RUNX2: variants seen among roughly 807,000 people sequenced by gnomAD.
The protein encoded by RUNX2 is runt-related transcription factor 2.
RUNX2 carries 10 observed loss-of-function variants against 51.7 expected under a neutral mutation model. The ratio of observed to expected loss-of-function variants is 0.19; its 90% CI spans 0.12 to 0.33. The LOEUF is 0.33. Among genes scored for constraint, RUNX2 ranks in the 10% least tolerant of loss-of-function variants. The pLI is 1.00. For synonymous variants in RUNX2, 276 were observed against 273.6 expected, an observed-to-expected ratio of 1.01 and a Z score of -0.09; for missense variants, 562 against 691.3, an observed-to-expected ratio of 0.81 and a Z score of 2.10.
At chr6:45,420,884 C>A (rs1281982453) in intron 2 of RUNX2, among the ~76,000 whole-genome samples, 2 of 152,140 alleles carry the variant, frequency 1.3e-5, no homozygotes, top group African/African-American at 2.4e-5. Context: ...TCGACTTAGC[C>A]AGAGTCGTGT....
At chr6:45,359,146 A>C (rs1318433892) in intron 2 of RUNX2, among the ~76,000 whole-genome samples, 1 of 152,204 alleles carries the variant, frequency 6.6e-6, no homozygotes, top group East Asian at 1.9e-4. Flanking sequence ...GAGAATTGAT[A>C]GTAATATTTA....
At chr6:45,484,264 A>G (rs1428415041) in intron 5 of RUNX2, among the ~76,000 whole-genome samples, 1 of 152,116 alleles carries the variant, frequency 6.6e-6, no homozygotes, top group Non-Finnish European at 1.5e-5. Flanking sequence ...GGGTCTAGGA[A>G]AGGAGGTGAC....
intron 5 of RUNX2, among the ~76,000 whole-genome samples, chr6:45,490,197 G>A (rs982475987): frequency 1.3e-5 from 2 of 152,126 alleles, no homozygotes; most frequent in African/African-American, 4.8e-5. Context: ...GAGTTGTTTT[G>A]GGTCATCTCT....
At chr6:45,534,824 G>C (rs2150442358) in intron 7 of RUNX2, among the ~76,000 whole-genome samples, 1 of 152,296 alleles carries the variant, frequency 6.6e-6, no homozygotes, top group South Asian at 2.1e-4. Context: ...CTTTTTGTAT[G>C]TAACTGTGAG....
chr6:45,543,462 G>A (rs1489832510), intron 7 of RUNX2, among the ~76,000 whole-genome samples: 1 of 152,164 alleles, frequency 6.6e-6, no homozygotes, highest in East Asian at 1.9e-4. Flanking sequence ...CCAGTAAGTT[G>A]TAGTCATGAG....
chr6:45,510,939 AAAG>A (rs753910375), intron 6 of RUNX2, among the ~76,000 whole-genome samples: 3 of 152,176 alleles, frequency 2.0e-5, no homozygotes, highest in East Asian at 1.9e-4. Context: ...GGTTACACAG[AAAG>A]AAGAAGTCTC....
In RUNX2 at chr6:45,328,437, C is replaced by G; in HGVS notation, c.-90C>G. ...ATGGTTAATCTCCGCAGGTCACTAC[C>G]AGCCACCGAGACCAACAGAGTCAGT... On this transcript the variant is annotated 5_prime_UTR_variant, in exon 1 of 9. Coordinates refer to ENST00000647337, the MANE Select transcript of RUNX2 (RefSeq NM_001024630.4). The G allele has an allele frequency of 6.9e-7, 1 of 1,454,352 alleles. No individual in the cohort carries two copies. Among genetic ancestry groups the G allele is most frequent in the Non-Finnish European group, 9.3e-7 (1 of 1,079,170 alleles). 90.1% of individuals were successfully genotyped at this position (1,454,352 alleles called of 1,614,324 possible).
In RUNX2 at chr6:45,545,282, G is replaced by T; in HGVS notation, c.1087G>T (p.Gly363Cys). 1 of 1,550,694 alleles carries T rather than the reference G, an allele frequency of 6.4e-7. No individual in the cohort carries two copies. Residue 363 changes from glycine to cysteine, a missense_variant and splice_region_variant, in exon 8 of 9, where the codon GGT becomes TGT. This residue lies in a region of RUNX2 where 304 missense variants were observed against 353.2 expected (regional missense o/e 0.86). Coordinates refer to ENST00000647337, the MANE Select transcript of RUNX2 (RefSeq NM_001024630.4). Reference protein sequence around the residue: ...PSTLSKKSQAGASELGPFSDP... With the variant: ...PSTLSKKSQACASELGPFSDP... ...CACTCTCAGTAAGAAGAGCCAGGCA[G>T]GTGAGACTTTTAACAATTGCTGGGC...
chr6:45,390,736 G>GA (rs942845587), intron 2 of RUNX2, among the ~76,000 whole-genome samples: 5 of 151,240 alleles, frequency 3.3e-5, no homozygotes, highest in African/African-American at 7.3e-5. Flanking sequence ...AACTAGGTCA[G>GA]AAAAAAAAGA....
At position 45,529,954 on chromosome 6, in the gene RUNX2, G is replaced by C. The variant is rs116827210; in HGVS notation, c.1022-15263G>C. Among the ~76,000 whole-genome samples the C allele has an allele frequency of 7.5e-3, 1,144 of 152,268 alleles. 12 individuals carry two copies. Among genetic ancestry groups the C allele is most frequent in the African/African-American group, 0.026 (1,076 of 41,526 alleles). On this transcript the variant is annotated intron_variant, in intron 7 of 8. Coordinates refer to ENST00000647337, the MANE Select transcript of RUNX2 (RefSeq NM_001024630.4). Reference sequence around the variant, plus strand: ...TCTTTTTCACTCCAACAACACCGTGGTATAATAGTGAAAATCACCGCACAG... The same window carrying C: ...TCTTTTTCACTCCAACAACACCGTGCTATAATAGTGAAAATCACCGCACAG...
In RUNX2 at chr6:45,492,366, G is replaced by A. The variant is rs73737437; in HGVS notation, c.859+252G>A. The stretch of plus-strand genomic sequence containing the variant: ...AGCAATCTCAGTCTACACCCTGGTG[G>A]AACGGTAATAATGCACTTTGGGAGA... On this transcript the variant is annotated intron_variant, in intron 6 of 8. Transcript: ENST00000647337. Among the ~76,000 whole-genome samples, 1,664 of 152,228 alleles carry A rather than the reference G, an allele frequency of 0.011. 28 individuals are homozygous for A. Among genetic ancestry groups the A allele is most frequent in the African/African-American group, 0.037 (1,531 of 41,522 alleles).
chr6:45,534,599 C>T (rs141349087), intron 7 of RUNX2, among the ~76,000 whole-genome samples: 248 of 152,250 alleles, frequency 1.6e-3, no homozygotes, highest in African/African-American at 5.4e-3. Context: ...GAGCAAGAGA[C>T]GCACCACAGA....
chr6:45,515,139 T>C lies in RUNX2; in HGVS notation c.1021+2732T>C, dbSNP rs573307096. On this transcript the variant is annotated intron_variant, in intron 7 of 8. Transcript: ENST00000647337. ...AAATGCTTTCCAGAACAGTTTATGTTTTTGTGTGCATTGATCAATTTTCAT... is the reference window on the plus strand; with the variant it reads ...AAATGCTTTCCAGAACAGTTTATGTCTTTGTGTGCATTGATCAATTTTCAT... 2.0e-5 allele frequency among the ~76,000 whole-genome samples: 3 copies of C among 152,240 alleles called. No individual in the cohort carries two copies. In the East Asian group the frequency reaches 5.8e-4, roughly 29 times the overall value.
chr6:45,409,466 T>G (rs1027924883), intron 2 of RUNX2, among the ~76,000 whole-genome samples: 10 of 152,212 alleles, frequency 6.6e-5, no homozygotes, highest in African/African-American at 2.4e-4. Flanking sequence ...ATTTCTTTAT[T>G]CCAGTATGAC....
chr6:45,422,520 C>T (rs1798229248), intron 2 of RUNX2, 73 bp from the exon 3 acceptor site: 1 of 1,335,438 alleles, frequency 7.5e-7, no homozygotes, highest in Non-Finnish European at 1.0e-6. Context: ...CTCCTTGCCC[C>T]TCATTTCCAC....
intron 2 of RUNX2, chr6:45,371,985 C>G: frequency 1.1e-6 from 1 of 873,520 alleles, no homozygotes; most frequent in Non-Finnish European, 1.4e-6. Flanking sequence ...TCCCCCGACA[C>G]CTGGTCCAGA....
At chr6:45,419,360 A>T (rs1406178170) in intron 2 of RUNX2, among the ~76,000 whole-genome samples, 2 of 152,152 alleles carry the variant, frequency 1.3e-5, no homozygotes, top group Non-Finnish European at 2.9e-5. Flanking sequence ...TTTAAAAACA[A>T]AAAACGAGCC....
At chr6:45,381,532 A>T (rs550381970) in intron 2 of RUNX2, among the ~76,000 whole-genome samples, 8 of 152,024 alleles carry the variant, frequency 5.3e-5, no homozygotes, top group Non-Finnish European at 1.2e-4. Context: ...GGCTCAAGCA[A>T]TCCTTCCACC....
intron 2 of RUNX2, among the ~76,000 whole-genome samples, chr6:45,375,638 G>C (rs202183117): frequency 1.4e-3 from 211 of 152,086 alleles, no homozygotes; most frequent in East Asian, 7.0e-3. Context: ...TGAACTCCTA[G>C]GTTCAAGAGA....
Sources: gnomAD v4.1 joint callset for allele counts (sites outside exome capture counted in the v4.1 genomes callset) on GRCh38, gnomAD v4.1.1 for gene constraint, gnomAD v4.1.1 regional missense constraint, MANE v1.5 for transcripts, NCBI Gene and HGNC (gene_info 2026-07-23, HGNC 2026-07-21) for gene names.